AHNAK: variants seen among roughly 807,000 people sequenced by gnomAD.
The protein encoded by AHNAK is neuroblast differentiation-associated protein AHNAK.
AHNAK carries 23 observed loss-of-function variants against 37.8 expected under a neutral mutation model. That is an observed-to-expected ratio of 0.61 (90% CI 0.44 to 0.86). The LOEUF is 0.86. Ranked by LOEUF, AHNAK falls within the 40% of genes least tolerant of loss-of-function variation. The probability of loss-of-function intolerance (pLI) is 0.00; values close to 1 mark genes in which losing one functional copy is unlikely to be tolerated. For missense variants in AHNAK, 7,411 were observed against 7,319.4 expected, an observed-to-expected ratio of 1.01 and a Z score of -0.46; for synonymous variants, 2,481 against 2,636.3, an observed-to-expected ratio of 0.94 and a Z score of 1.80.
At chr11:62,438,129 C>T (rs1431875522) in intron 5 of AHNAK, among the ~76,000 whole-genome samples, 1 of 151,746 alleles carries the variant, frequency 6.6e-6, no homozygotes, top group Admixed American at 6.6e-5. Flanking sequence ...GTGTATTTGG[C>T]CATCTGGGTA....
intron 5 of AHNAK, among the ~76,000 whole-genome samples, chr11:62,478,750 C>CA (rs11358273): frequency 0.016 from 1,383 of 88,410 alleles, 38 homozygotes; most frequent in African/African-American, 0.052. Flanking sequence ...GACCCTGCCT[C>CA]AAAAAAAAAA....
In AHNAK at chr11:62,453,563, C is replaced by T. The variant is rs559750419; in HGVS notation, c.443-19672G>A. On this transcript the variant is annotated intron_variant, in intron 5 of 5. Coordinates refer to the AHNAK transcript ENST00000257247. ...TCGAACCCAGGACCTGAACTTGGCACTGCACCACTGCCTTGCAAGAAGGCT... is the reference window on the plus strand; with the variant it reads ...TCGAACCCAGGACCTGAACTTGGCATTGCACCACTGCCTTGCAAGAAGGCT... Among the ~76,000 whole-genome samples the T allele has an allele frequency of 9.2e-5, 14 of 152,316 alleles. No individual in the cohort carries two copies. The South Asian group carries it at 2.9e-3, about 32-fold the overall frequency.
At chr11:62,483,222 C>T (rs1377168923) in intron 5 of AHNAK, among the ~76,000 whole-genome samples, 1 of 152,180 alleles carries the variant, frequency 6.6e-6, no homozygotes, top group Admixed American at 6.5e-5. Flanking sequence ...AGGCCTTCTG[C>T]TTTACCAGAA....
chr11:62,524,626 G>C lies in AHNAK; in HGVS notation c.9791C>G (p.Ala3264Gly). Residue 3264 changes from alanine to glycine, a missense_variant, in exon 5 of 5, where the codon GCT (alanine) becomes GGT (glycine). Physicochemically the swap from Ala to Gly is moderately conservative, Grantham distance 60. Coordinates refer to ENST00000378024, the MANE Select transcript of AHNAK (RefSeq NM_001620.3). ...TGGGCCATGAATGTCAATATCTGGAGCATCTACATCTATCTTTGGGCCTTT... is the reference window on the plus strand; with the variant it reads ...TGGGCCATGAATGTCAATATCTGGACCATCTACATCTATCTTTGGGCCTTT... ...DIKGPKIDVD[A>G]PDIDIHGPDA... 1.9e-6 allele frequency: 3 copies of C among 1,614,186 alleles called. No homozygotes were observed. In the South Asian group the frequency reaches 3.3e-5, roughly 18 times the overall value.
chr11:62,500,092 C>A (rs1371197592), intron 4 of AHNAK, among the ~76,000 whole-genome samples: 2 of 152,086 alleles, frequency 1.3e-5, no homozygotes, highest in Non-Finnish European at 2.9e-5. Context: ...TCAAGACAGG[C>A]CTGGCATGAA....
At chr11:62,444,618 C>G (rs2509987) in intron 5 of AHNAK, among the ~76,000 whole-genome samples, 89,200 of 152,112 alleles carry the variant, frequency 0.59, 26,509 homozygotes, top group South Asian at 0.71. Flanking sequence ...CCAAAGTGTC[C>G]GGTTTTCTTT....
In AHNAK at chr11:62,525,086, C is replaced by G. The variant is rs376071907; in HGVS notation, c.9331G>C (p.Val3111Leu). ...TCACCTTCCACTTTTGGCAGAGACA[C>G]ATCCATGTCACCCTTCACTTTGGGA... Reference protein sequence around the residue: ...KGPKVKGDMDVSLPKVEGDMK... With the variant: ...KGPKVKGDMDLSLPKVEGDMK... The change falls in exon 5 of 5, where the codon GTG becomes CTG. Residue 3111 changes from valine (V) to leucine (L), a missense_variant. Val to Leu is a conservative substitution (Grantham distance 32). Coordinates refer to ENST00000378024, the MANE Select transcript of AHNAK (RefSeq NM_001620.3). 5.6e-6 allele frequency: 9 copies of G among 1,613,944 alleles called. No individual in the cohort carries two copies. The highest frequency in any genetic ancestry group is 7.6e-6 in the Non-Finnish European group (9 of 1,180,022).
At chr11:62,490,685 G>A (rs893292027) in intron 5 of AHNAK, among the ~76,000 whole-genome samples, 20 of 152,298 alleles carry the variant, frequency 1.3e-4, no homozygotes, top group African/African-American at 3.6e-4. Context: ...CCAGTGACAC[G>A]GCAGTCAGTC....
Position 62,526,083 on chromosome 11 carries a change from G to A in AHNAK, c.8334C>T (p.Gly2778=), listed in dbSNP as rs1940472805. The A allele has an allele frequency of 6.2e-7, 1 of 1,613,340 alleles. No homozygotes were observed. Among genetic ancestry groups the A allele is most frequent in the Non-Finnish European group, 8.5e-7 (1 of 1,179,920 alleles). The change falls in exon 5 of 5, where the codon GGC becomes GGT. Residue 2778 remains glycine, a synonymous_variant. Transcript: ENST00000378024. ...CCACATCTGGACCTTCTCCTTTGAA[G>A]CCAGGCATGCTGATCTTGGGCATTT... ...KIKMPKISMP[G]FKGEGPDVDV... is the part of the protein sequence containing the mutation.
intron 4 of AHNAK, among the ~76,000 whole-genome samples, chr11:62,493,301 ATCATGC>A (rs1939538915): frequency 6.7e-6 from 1 of 149,726 alleles, no homozygotes; most frequent in African/African-American, 2.5e-5. Flanking sequence ...AGTGTAAGAC[ATCATGC>A]TCGGCCTGTT....
At chr11:62,478,265 G>T (rs903137667) in intron 5 of AHNAK, among the ~76,000 whole-genome samples, 3 of 152,176 alleles carry the variant, frequency 2.0e-5, no homozygotes, top group Non-Finnish European at 4.4e-5. Context: ...CAGGAGCTGG[G>T]GCTGAGCCCC....
At chr11:62,465,252 C>T (rs1002759049) in intron 5 of AHNAK, among the ~76,000 whole-genome samples, 3 of 152,176 alleles carry the variant, frequency 2.0e-5, no homozygotes, top group Non-Finnish European at 2.9e-5. Context: ...ATATGTTGAA[C>T]TCCTAACCCC....
intron 5 of AHNAK, among the ~76,000 whole-genome samples, chr11:62,487,799 C>A (rs4124): frequency 2.0e-5 from 3 of 152,064 alleles, no homozygotes; most frequent in African/African-American, 4.8e-5. Context: ...TTAAAAGAAA[C>A]AGCAGTACCC....
chr11:62,519,396 A>G lies in AHNAK; in HGVS notation c.15021T>C (p.Leu5007=). The change falls in exon 5 of 5, where the codon CTT becomes CTC. Residue 5007 remains leucine (L), a synonymous_variant. Transcript: ENST00000378024. ...DVTVPEAELN[L]ETPEISVGGK... is the part of the protein sequence containing the mutation. Reference sequence around the variant, plus strand: ...CACCAACACTAATTTCAGGAGTCTCAAGGTTCAGCTCTGCCTCAGGAACAG... The same window carrying G: ...CACCAACACTAATTTCAGGAGTCTCGAGGTTCAGCTCTGCCTCAGGAACAG... 2.5e-6 allele frequency: 4 copies of G among 1,613,576 alleles called. No homozygotes were observed. The highest frequency in any genetic ancestry group is 3.4e-6 in the Non-Finnish European group (4 of 1,179,680).
intron 5 of AHNAK, among the ~76,000 whole-genome samples, chr11:62,489,057 G>T (rs1939450326): frequency 6.6e-6 from 1 of 152,018 alleles, no homozygotes; most frequent in South Asian, 2.1e-4. Context: ...TGGCCAATAT[G>T]GTGAAACCTC....
At chr11:62,499,876 CCCTT>C (rs1247907431) in intron 4 of AHNAK, among the ~76,000 whole-genome samples, 1 of 152,236 alleles carries the variant, frequency 6.6e-6, no homozygotes, top group Non-Finnish European at 1.5e-5. Context: ...GATCACATCT[CCCTT>C]CAGGCGTCAT....
intron 5 of AHNAK, among the ~76,000 whole-genome samples, chr11:62,486,687 G>A (rs1939403296): frequency 6.6e-6 from 1 of 152,016 alleles, no homozygotes; most frequent in Non-Finnish European, 1.5e-5. Flanking sequence ...TAGATGTACT[G>A]TATACCACTG....
chr11:62,459,620 A>G (rs982293503), intron 5 of AHNAK, among the ~76,000 whole-genome samples: 1 of 152,204 alleles, frequency 6.6e-6, no homozygotes, highest in African/African-American at 2.4e-5. Context: ...AGAAAATGAC[A>G]GGAGCAGGAA....
Position 62,530,385 on chromosome 11 carries a change from G to A in AHNAK, c.4032C>T (p.Ser1344=), listed in dbSNP as rs535540096. The A allele has an allele frequency of 3.1e-6, 5 of 1,613,574 alleles. No homozygotes were observed. In the South Asian group the frequency reaches 5.5e-5, roughly 18 times the overall value. Residue 1344 remains serine, a synonymous_variant, in exon 5 of 5, where the codon TCC becomes TCT. Transcript: ENST00000378024. ...TCATTTCACCTTCTACCTCAGGCAA[G>A]GACACATCCACATCTCCCTTCAATT... The part of the protein sequence containing the change: ...GPKLKGDVDV[S]LPEVEGEMKV...
Sources: gnomAD v4.1 joint callset for allele counts (sites outside exome capture counted in the v4.1 genomes callset) on GRCh38, gnomAD v4.1.1 for gene constraint, MANE v1.5 for transcripts, NCBI Gene and HGNC (gene_info 2026-07-23, HGNC 2026-07-21) for gene names.